The following ZNF521 variants were observed in gnomAD, a reference collection of about 807,000 sequenced individuals.
The protein encoded by ZNF521 is LYST-interacting protein 3.
In ZNF521, 14 loss-of-function variants were observed where a neutral mutation model predicts 105.5. The ratio of observed to expected loss-of-function variants is 0.13; its 90% CI spans 0.09 to 0.21. ZNF521 has a LOEUF of 0.21. Ranked by LOEUF, ZNF521 falls within the 10% of genes least tolerant of loss-of-function variation. ZNF521 has a pLI of 1.00. For missense variants in ZNF521, 1,233 were observed against 1,629.7 expected (o/e 0.76, Z 4.19); for synonymous variants, 635 against 606.0 (o/e 1.05, Z -0.70).
chr18:25,307,411 G>A (rs369025241), intron 3 of ZNF521, among the ~76,000 whole-genome samples: 16 of 152,176 alleles, frequency 1.1e-4, no homozygotes, highest in African/African-American at 3.4e-4. Flanking sequence ...TGGTTGCAGG[G>A]AATGGAGAAT....
chr18:25,289,841 C>T (rs1194422103), intron 3 of ZNF521, among the ~76,000 whole-genome samples: 1 of 152,192 alleles, frequency 6.6e-6, no homozygotes, highest in Non-Finnish European at 1.5e-5. Context: ...CTTCCGCACA[C>T]AATAAAAGTG....
intron 3 of ZNF521, among the ~76,000 whole-genome samples, chr18:25,249,667 G>A (rs528848246): frequency 6.6e-6 from 1 of 151,718 alleles, no homozygotes. Context: ...TTGCCATGTT[G>A]GCCAGGCTGA....
intron 3 of ZNF521, among the ~76,000 whole-genome samples, chr18:25,306,867 A>AG (rs200869840): frequency 6.6e-6 from 1 of 151,436 alleles, no homozygotes; most frequent in African/African-American, 2.4e-5. Context: ...AAAAAAAAAA[A>AG]GTATGTAAGT....
At chr18:25,268,265 C>CAA (rs1470200477) in intron 3 of ZNF521, among the ~76,000 whole-genome samples, 1 of 152,002 alleles carries the variant, frequency 6.6e-6, no homozygotes, top group Admixed American at 6.6e-5. Context: ...ACAAAGCCCC[C>CAA]AAGAAATATG....
rs146362182 is a variant in ZNF521, at chr18:25,291,437, C to A, written c.220+30571G>T. Among the ~76,000 whole-genome samples the A allele has an allele frequency of 5.9e-5, 9 of 152,280 alleles. No homozygotes were observed. The East Asian group carries it at 1.7e-3, about 29-fold the overall frequency. Reference sequence around the variant, plus strand: ...ATTTGACAATATCCCTTGCTATTGTCACTCATAGGTAAAGGTAGTGGAATT... The same window carrying A: ...ATTTGACAATATCCCTTGCTATTGTAACTCATAGGTAAAGGTAGTGGAATT... On this transcript the variant is annotated intron_variant, in intron 3 of 7. Coordinates refer to ENST00000361524, the MANE Select transcript of ZNF521 (RefSeq NM_015461.3).
chr18:25,131,972 A>C (rs942269597), intron 5 of ZNF521, among the ~76,000 whole-genome samples: 7 of 152,132 alleles, frequency 4.6e-5, no homozygotes, highest in Non-Finnish European at 8.8e-5. Flanking sequence ...TGCAGCCAAG[A>C]GCATGGCAGA....
rs1912960286 is a variant in ZNF521, at chr18:25,322,073, C to T, written c.155G>A (p.Cys52Tyr). 6.2e-7 allele frequency: 1 copy of T among 1,614,018 alleles called. No homozygotes were observed. The highest frequency in any genetic ancestry group is 8.5e-7 in the Non-Finnish European group (1 of 1,179,988). The change falls in exon 3 of 8, where the codon TGC (cysteine) becomes TAC (tyrosine). Residue 52 changes from cysteine (C) to tyrosine (Y), a missense_variant. By Grantham distance (194) the Cys-to-Tyr change is radical (BLOSUM62 -2). Coordinates refer to ENST00000361524, the MANE Select transcript of ZNF521 (RefSeq NM_015461.3). Reference protein sequence around the residue: ...EDEAVHSCDSCLQVFESLSDI... With the variant: ...EDEAVHSCDSYLQVFESLSDI... ...GCTCAGCGATTCAAACACCTGGAGGCAGCTGTCACAGCTGTGCACAGCTTC... is the reference window on the plus strand; with the variant it reads ...GCTCAGCGATTCAAACACCTGGAGGTAGCTGTCACAGCTGTGCACAGCTTC...
At chr18:25,103,966 A>C (rs2034021603) in intron 5 of ZNF521, among the ~76,000 whole-genome samples, 1 of 152,132 alleles carries the variant, frequency 6.6e-6, no homozygotes, top group African/African-American at 2.4e-5. Flanking sequence ...ACCAAAGCTA[A>C]AGACTATGAA....
intron 3 of ZNF521, among the ~76,000 whole-genome samples, chr18:25,270,273 G>T (rs1344283860): frequency 6.6e-6 from 1 of 152,130 alleles, no homozygotes; most frequent in Non-Finnish European, 1.5e-5. Flanking sequence ...CTGAAACTGA[G>T]GGAGTAATTA....
chr18:25,096,293 C>CT (rs1490912825), intron 5 of ZNF521, among the ~76,000 whole-genome samples: 2 of 152,120 alleles, frequency 1.3e-5, no homozygotes, highest in Non-Finnish European at 2.9e-5. Context: ...ATTTTGTGCT[C>CT]TAAGAAAACC....
chr18:25,272,007 C>A (rs1355151051), intron 3 of ZNF521, among the ~76,000 whole-genome samples: 2 of 152,132 alleles, frequency 1.3e-5, no homozygotes, highest in Admixed American at 6.5e-5. Context: ...TATTTGCAAT[C>A]TATCCATCTG....
At chr18:25,134,715 G>A (rs2034701810) in intron 5 of ZNF521, among the ~76,000 whole-genome samples, 1 of 152,138 alleles carries the variant, frequency 6.6e-6, no homozygotes, top group Non-Finnish European at 1.5e-5. Flanking sequence ...TCCATTAGAT[G>A]TCTTCAGTTT....
intron 3 of ZNF521, among the ~76,000 whole-genome samples, chr18:25,236,460 C>T (rs1486676967): frequency 2.6e-5 from 4 of 151,238 alleles, no homozygotes; most frequent in Non-Finnish European, 5.9e-5. Context: ...TGCCTGAACC[C>T]GGGAGGCAGA....
Position 25,226,892 on chromosome 18 carries a change from G to A in ZNF521, c.1026C>T (p.Asn342=), listed in dbSNP as rs1016710824. ...AGCCCACCGTGACCAGGGAAGGGCT[G>A]TTGCTGTGATTGCATGACTCCGGTT... ...HQQPESCNHS[N]SPSLVTVGYT... The change falls in exon 4 of 8, where the codon AAC becomes AAT. Residue 342 remains asparagine (N), a synonymous_variant. Transcript: ENST00000361524. This position sits in a 1 kb window ranked among gnomAD's most constrained non-coding sequence, Gnocchi z 4.1. The A allele has an allele frequency of 1.2e-6, 2 of 1,613,904 alleles. No individual in the cohort carries two copies. Among genetic ancestry groups the A allele is most frequent in the Non-Finnish European group, 1.7e-6 (2 of 1,179,994 alleles).
intron 7 of ZNF521, among the ~76,000 whole-genome samples, chr18:25,075,680 C>A (rs1486576658): frequency 1.3e-5 from 2 of 152,126 alleles, no homozygotes; most frequent in African/African-American, 4.8e-5. Flanking sequence ...TGTTGAAAAA[C>A]TAATGGAAGA....
intron 2 of ZNF521, among the ~76,000 whole-genome samples, chr18:25,332,251 C>A (rs1265826854): frequency 6.6e-6 from 1 of 150,642 alleles, no homozygotes; most frequent in East Asian, 1.9e-4. Context: ...TTCAAAACAA[C>A]TGCCTTGGTA....
At chr18:25,149,275 T>C (rs1021667600) in intron 5 of ZNF521, among the ~76,000 whole-genome samples, 1 of 152,190 alleles carries the variant, frequency 6.6e-6, no homozygotes, top group African/African-American at 2.4e-5. Flanking sequence ...CAGCCATAGA[T>C]GTAGGTCTTC....
At chr18:25,233,844 T>C (rs538595433) in intron 3 of ZNF521, among the ~76,000 whole-genome samples, 4 of 152,170 alleles carry the variant, frequency 2.6e-5, no homozygotes, top group African/African-American at 4.8e-5. Context: ...CACATTTCGA[T>C]TGCATGTGCA....
rs1223212055 is a variant in ZNF521, at chr18:25,226,724, A to G, written c.1194T>C (p.Ser398=). ...AGCTGTAGGTAACTTTTGCTTGTTT[A>G]CTCGAGGGACCAGTCATGTCAGGGG... ...QQTPDMTGPS[S]KQAKVTYSCI... The change falls in exon 4 of 8, where the codon AGT becomes AGC. Residue 398 remains serine, a synonymous_variant. Coordinates refer to ENST00000361524, the MANE Select transcript of ZNF521 (RefSeq NM_015461.3). The surrounding 1 kb of genome is among the most constrained non-coding windows in gnomAD (Gnocchi z 4.1). The G allele has an allele frequency of 1.9e-6, 3 of 1,613,950 alleles. No homozygotes were observed.
Sources: allele counts gnomAD v4.1 joint callset (sites outside exome capture counted in the v4.1 genomes callset), GRCh38; gene constraint gnomAD v4.1.1; non-coding constraint Gnocchi (gnomAD v3.1); transcripts MANE v1.5; gene names NCBI Gene and HGNC (gene_info 2026-07-23, HGNC 2026-07-21).